TOX2: variants seen among roughly 807,000 people sequenced by gnomAD.
TOX2 encodes the protein TOX high mobility group box family member 2.
Under a neutral mutation model 47.4 loss-of-function variants are expected in TOX2, and 15 were observed. That is an observed-to-expected ratio of 0.32 (90% CI 0.21 to 0.49). The LOEUF is 0.49. TOX2 is among the 20% of genes least tolerant of loss of function. The pLI is 0.99. For synonymous variants in TOX2, 290 were observed against 296.6 expected, an observed-to-expected ratio of 0.98 and a Z score of 0.23; for missense variants, 622 against 673.1, an observed-to-expected ratio of 0.92 and a Z score of 0.84.
chr20:44,067,592 G>A (rs1045467019), intron 8 of TOX2, among the ~76,000 whole-genome samples: 1 of 151,982 alleles, frequency 6.6e-6, no homozygotes, highest in Admixed American at 6.6e-5. Context: ...GCACCCCAGT[G>A]TCCTCCCTAG....
intron 5 of TOX2, among the ~76,000 whole-genome samples, chr20:44,054,854 C>A (rs1459583018): frequency 6.6e-6 from 1 of 152,202 alleles, no homozygotes; most frequent in African/African-American, 2.4e-5. Context: ...GGAGTCCAGG[C>A]CAGAGCTTCC....
At position 43,916,495 on chromosome 20, in the gene TOX2, G is replaced by A. The variant is rs1217745500; in HGVS notation, c.99+1505G>A. On this transcript the variant is annotated intron_variant, in intron 1 of 8. Transcript: ENST00000341197. The surrounding 1 kb of genome is among the most constrained non-coding windows in gnomAD (Gnocchi z 5.0). ...GACAAGTGAGGTCTCGCGAAGAGTG[G>A]CGGTGGTTCTCTTTTGTCCAGTGAC... is the stretch of plus-strand genomic sequence containing the variant. Among the ~76,000 whole-genome samples, 1 of 152,236 alleles carries A rather than the reference G, an allele frequency of 6.6e-6. No homozygotes were observed. The highest frequency in any genetic ancestry group is 1.5e-5 in the Non-Finnish European group (1 of 68,030).
intron 1 of TOX2, among the ~76,000 whole-genome samples, chr20:43,926,888 C>G (rs2069175014): frequency 6.6e-6 from 1 of 152,236 alleles, no homozygotes; most frequent in South Asian, 2.1e-4. Flanking sequence ...GCAACAGTCT[C>G]CGCAGTGGTC....
At chr20:44,060,826 C>CA (rs1168902514) in intron 5 of TOX2, among the ~76,000 whole-genome samples, 1 of 151,978 alleles carries the variant, frequency 6.6e-6, no homozygotes. Flanking sequence ...CACAAATAGA[C>CA]AATGTAAGGT....
intron 1 of TOX2, among the ~76,000 whole-genome samples, chr20:43,933,811 G>T (rs4375933): frequency 8.5e-5 from 13 of 152,118 alleles, no homozygotes; most frequent in African/African-American, 2.9e-4. Context: ...GTGGGCATCA[G>T]CACTCAGCCC....
chr20:43,921,099 C>T (rs183047595), intron 1 of TOX2, among the ~76,000 whole-genome samples: 14 of 152,270 alleles, frequency 9.2e-5, no homozygotes, highest in South Asian at 4.2e-4. Flanking sequence ...GGCAGGACCC[C>T]GCAGAGGCAC....
intron 1 of TOX2, among the ~76,000 whole-genome samples, chr20:43,921,525 G>A (rs539447736): frequency 2.0e-5 from 3 of 152,240 alleles, no homozygotes; most frequent in African/African-American, 7.2e-5. Context: ...GTAGCACTTG[G>A]CCCCAGCAGG....
At chr20:44,012,693 A>G (rs2070798264) in intron 3 of TOX2, among the ~76,000 whole-genome samples, 1 of 152,144 alleles carries the variant, frequency 6.6e-6, no homozygotes. Context: ...GCTCTGGTGA[A>G]CTCACAAATA....
chr20:44,012,480 G>A (rs2070793213), intron 3 of TOX2, among the ~76,000 whole-genome samples: 1 of 152,182 alleles, frequency 6.6e-6, no homozygotes, highest in African/African-American at 2.4e-5. Context: ...GGGAAATGTG[G>A]GTTTTTCCTG....
chr20:43,933,599 G>A (rs1162571642), intron 1 of TOX2, among the ~76,000 whole-genome samples: 1 of 152,236 alleles, frequency 6.6e-6, no homozygotes, highest in Non-Finnish European at 1.5e-5. Flanking sequence ...TTGGTGGGGA[G>A]TGATTGCAGG....
intron 1 of TOX2, among the ~76,000 whole-genome samples, chr20:43,970,190 C>T (rs956412769): frequency 6.6e-6 from 1 of 152,214 alleles, no homozygotes; most frequent in Non-Finnish European, 1.5e-5. Flanking sequence ...TCTTAAATCC[C>T]ATCTCTCCCC....
chr20:43,951,164 G>A (rs1040175521), intron 1 of TOX2, among the ~76,000 whole-genome samples: 3 of 152,196 alleles, frequency 2.0e-5, no homozygotes. Flanking sequence ...GACCCTTGCA[G>A]TAGTTAAGAG....
intron 2 of TOX2, among the ~76,000 whole-genome samples, chr20:43,983,368 GCCT>G (rs1418235257): frequency 6.6e-6 from 1 of 152,128 alleles, no homozygotes; most frequent in Non-Finnish European, 1.5e-5. Flanking sequence ...CCCCAAGTTT[GCCT>G]GGTCTGTTTC....
intron 1 of TOX2, chr20:43,945,979 A>G (rs1357191293): frequency 1.2e-6 from 2 of 1,614,074 alleles, no homozygotes; most frequent in Non-Finnish European, 1.7e-6. Context: ...CTGTGGAATG[A>G]GACTCGGGCT....
rs146870196 is a variant in TOX2, at chr20:43,981,806, G to A, written c.165+8374G>A. Among the ~76,000 whole-genome samples, 177 of 152,304 alleles carry A rather than the reference G, an allele frequency of 1.2e-3. 1 individual carries two copies. The highest frequency in any genetic ancestry group is 4.0e-3 in the African/African-American group (167 of 41,548). On this transcript the variant is annotated intron_variant, in intron 2 of 8. Coordinates refer to ENST00000341197, the MANE Select transcript of TOX2 (RefSeq NM_001098797.2). ...CAGGGTCATTGTTCTGGTCCCATGG[G>A]CAGATTGAGAAGCGTGAGGTGAGGA... is the stretch of plus-strand genomic sequence containing the variant.
At chr20:43,972,311 C>T (rs1325302209) in intron 1 of TOX2, among the ~76,000 whole-genome samples, 1 of 152,170 alleles carries the variant, frequency 6.6e-6, no homozygotes, top group African/African-American at 2.4e-5. Flanking sequence ...CAATTCATGC[C>T]CCAGAGTTCC....
chr20:43,944,063 G>T (rs924635319), intron 1 of TOX2, among the ~76,000 whole-genome samples: 1 of 152,152 alleles, frequency 6.6e-6, no homozygotes, highest in Admixed American at 6.5e-5. Flanking sequence ...TCTTTGGTAT[G>T]TCTGAAATTT....
chr20:43,929,555 T>A (rs1281767769), intron 1 of TOX2, among the ~76,000 whole-genome samples: 1 of 152,194 alleles, frequency 6.6e-6, no homozygotes, highest in Non-Finnish European at 1.5e-5. Flanking sequence ...TTGCCTGGAA[T>A]GTTCTTGCCC....
Position 43,915,331 on chromosome 20 carries a change from T to C in TOX2, c.99+341T>C, listed in dbSNP as rs771008046. On this transcript the variant is annotated intron_variant, in intron 1 of 8. Transcript: ENST00000341197. The surrounding 1 kb of genome is among the most constrained non-coding windows in gnomAD (Gnocchi z 7.1). ...TCCCGCCGTCCCACGCAAGTCACCC[T>C]GACAGTCACTTATACACAACGACAC... Among the ~76,000 whole-genome samples the C allele has an allele frequency of 4.6e-5, 7 of 152,166 alleles. No individual in the cohort carries two copies. Among genetic ancestry groups the C allele is most frequent in the East Asian group, 1.9e-4 (1 of 5,166 alleles).
Sources: allele counts gnomAD v4.1 joint callset (sites outside exome capture counted in the v4.1 genomes callset), GRCh38; gene constraint gnomAD v4.1.1; non-coding constraint Gnocchi (gnomAD v3.1); transcripts MANE v1.5; gene names NCBI Gene and HGNC (gene_info 2026-07-23, HGNC 2026-07-21).